LRRC66: variants seen among roughly 807,000 people sequenced by gnomAD.
The protein encoded by LRRC66 is leucine-rich repeat-containing protein 66.
A neutral mutation model predicts 24.6 loss-of-function variants in LRRC66; 29 were observed. That is an observed-to-expected ratio of 1.18 (90% CI 0.88 to 1.61). The LOEUF (loss-of-function observed/expected upper bound fraction) is 1.61, where lower values mean the gene tolerates loss of function less well. Among genes scored for constraint, LRRC66 ranks in the 40% most tolerant of loss-of-function variants. The probability of loss-of-function intolerance (pLI) is 0.00; values close to 1 mark genes in which losing one functional copy is unlikely to be tolerated. For synonymous variants in LRRC66, 411 were observed against 397.6 expected, an observed-to-expected ratio of 1.03 and a Z score of -0.40; for missense variants, 1,124 against 1,058.0, an observed-to-expected ratio of 1.06 and a Z score of -0.87.
intron 1 of LRRC66, among the ~76,000 whole-genome samples, chr4:52,019,105 C>A (rs188387720): frequency 2.0e-5 from 3 of 152,278 alleles, no homozygotes; most frequent in African/African-American, 7.2e-5. Flanking sequence ...GAACTCCTGA[C>A]CTCAGGTGAC....
intron 2 of LRRC66, among the ~76,000 whole-genome samples, chr4:52,005,333 C>T (rs1485345889): frequency 6.6e-6 from 1 of 152,084 alleles, no homozygotes; most frequent in Admixed American, 6.6e-5. Context: ...ACTCATGTCT[C>T]TATCAAAAAC....
In LRRC66 at chr4:51,995,821, CA is replaced by C; in HGVS notation, c.1200del (p.Tyr400Ter). The C allele has an allele frequency of 6.2e-7, 1 of 1,614,160 alleles. No individual in the cohort carries two copies. The highest frequency in any genetic ancestry group is 1.1e-5 in the South Asian group (1 of 91,080). Reference sequence around the variant, plus strand: ...CACTTTTTTTGCCACAGTCTGTCAACATAAGGCCTTGTGAAAGCCCCCAGGC... The same window carrying C: ...CACTTTTTTTGCCACAGTCTGTCAACTAAGGCCTTGTGAAAGCCCCCAGGC... ...AFSLGAFTRP[Y>X]VDRLWQKKCQ... On this transcript the variant is annotated frameshift_variant, in exon 5 of 5. Coordinates refer to ENST00000682860, the MANE Select transcript of LRRC66 (RefSeq NM_001024611.3). LOFTEE classifies it low-confidence loss of function (END_TRUNC).
chr4:52,005,915 TTG>T (rs1414957689), intron 2 of LRRC66, among the ~76,000 whole-genome samples: 1 of 152,238 alleles, frequency 6.6e-6, no homozygotes, highest in African/African-American at 2.4e-5. Context: ...AAATGTTTCT[TTG>T]TGCATAGAAG....
In LRRC66 at chr4:51,996,149, G is replaced by C. The variant is rs771635095; in HGVS notation, c.873C>G (p.Asn291Lys). The C allele has an allele frequency of 6.2e-6, 10 of 1,610,334 alleles. No homozygotes were observed. Among genetic ancestry groups the C allele is most frequent in the Admixed American group, 5.0e-5 (3 of 59,720 alleles). Residue 291 changes from asparagine to lysine, a missense_variant, in exon 5 of 5, where the codon AAC becomes AAG. Coordinates refer to ENST00000682860, the MANE Select transcript of LRRC66 (RefSeq NM_001024611.3). Reference sequence around the variant, plus strand: ...AAATCCTGCTCTGGGGAGTGCCCCCGTTGGCCTCCTCACTCCCTGCAAGTG... The same window carrying C: ...AAATCCTGCTCTGGGGAGTGCCCCCCTTGGCCTCCTCACTCCCTGCAAGTG... Reference protein sequence around the residue: ...CNRSIGSEEANGGTPQSRISR... With the variant: ...CNRSIGSEEAKGGTPQSRISR...
At chr4:52,004,666 T>C (rs200047749) in intron 2 of LRRC66, among the ~76,000 whole-genome samples, 1 of 152,190 alleles carries the variant, frequency 6.6e-6, no homozygotes, top group Non-Finnish European at 1.5e-5. Context: ...CATAACAAGA[T>C]CAGGTTGGTT....
chr4:51,998,186 G>A (rs1736367830), intron 3 of LRRC66, among the ~76,000 whole-genome samples: 1 of 152,182 alleles, frequency 6.6e-6, no homozygotes, highest in Non-Finnish European at 1.5e-5. Context: ...AACTGTATGT[G>A]AAAGCTTTCA....
At chr4:52,007,329 C>A (rs1317269689) in intron 2 of LRRC66, among the ~76,000 whole-genome samples, 1 of 151,892 alleles carries the variant, frequency 6.6e-6, no homozygotes, top group Non-Finnish European at 1.5e-5. Context: ...CAGGTGTGTG[C>A]CACTATGTCT....
At chr4:52,015,805 T>C (rs978094563) in intron 2 of LRRC66, among the ~76,000 whole-genome samples, 6 of 152,188 alleles carry the variant, frequency 3.9e-5, no homozygotes, top group South Asian at 2.1e-4. Flanking sequence ...AACCAACTAT[T>C]TGAAATATTT....
chr4:52,008,771 C>G (rs1736639536), intron 2 of LRRC66, among the ~76,000 whole-genome samples: 1 of 151,946 alleles, frequency 6.6e-6, no homozygotes, highest in African/African-American at 2.4e-5. Context: ...AAAAAATGTT[C>G]AAGGAAGTCC....
Position 51,997,736 on chromosome 4 carries a change from T to C in LRRC66, c.856+12A>G, listed in dbSNP as rs992346337. 7.5e-6 allele frequency: 12 copies of C among 1,609,464 alleles called. No individual in the cohort carries two copies. Among genetic ancestry groups the C allele is most frequent in the Non-Finnish European group, 9.4e-6 (11 of 1,176,344 alleles). On this transcript the variant is annotated intron_variant, in intron 4 of 4. Transcript: ENST00000682860. Reference sequence around the variant, plus strand: ...TAAATGGAGCCTTTTCAGAGAGACATTACTGACTTACCTATAGACCTGTTG... The same window carrying C: ...TAAATGGAGCCTTTTCAGAGAGACACTACTGACTTACCTATAGACCTGTTG...
chr4:52,012,535 G>C (rs189077236), intron 2 of LRRC66, among the ~76,000 whole-genome samples: 3 of 152,250 alleles, frequency 2.0e-5, no homozygotes, highest in Admixed American at 2.0e-4. Flanking sequence ...CATGGTACTT[G>C]ACTGCACTTC....
chr4:52,003,933 C>CCT (rs1736514807), intron 2 of LRRC66, among the ~76,000 whole-genome samples: 1 of 152,008 alleles, frequency 6.6e-6, no homozygotes, highest in Non-Finnish European at 1.5e-5. Context: ...TCTTGCTAAA[C>CCT]AATAGAGGAA....
intron 2 of LRRC66, among the ~76,000 whole-genome samples, chr4:52,011,818 C>A (rs917196614): frequency 6.6e-6 from 1 of 152,132 alleles, no homozygotes; most frequent in Non-Finnish European, 1.5e-5. Flanking sequence ...GACCAGGAAG[C>A]TTTTTTAGGT....
At chr4:52,010,169 A>G (rs1025961426) in intron 2 of LRRC66, among the ~76,000 whole-genome samples, 1 of 152,190 alleles carries the variant, frequency 6.6e-6, no homozygotes, top group Non-Finnish European at 1.5e-5. Flanking sequence ...GCATTTATGA[A>G]AGATCTAGCA....
intron 1 of LRRC66, chr4:52,018,704 A>C (rs1736875944): frequency 1.6e-6 from 1 of 623,848 alleles, no homozygotes; most frequent in Non-Finnish European, 2.0e-6. Context: ...TATAGTCCAA[A>C]TCCCTCAGGT....
chr4:52,003,512 C>G (rs552196735), intron 2 of LRRC66, 120 bp from the exon 3 acceptor site: 38 of 747,328 alleles, frequency 5.1e-5, no homozygotes, highest in Non-Finnish European at 2.0e-5. Context: ...TGTTAAACAA[C>G]GTATGGTATA....
At chr4:51,998,527 C>T (rs535009000) in intron 3 of LRRC66, among the ~76,000 whole-genome samples, 1 of 152,332 alleles carries the variant, frequency 6.6e-6, no homozygotes, top group East Asian at 1.9e-4. Context: ...GCTGGAATTA[C>T]AGGCACGCAC....
At chr4:52,001,904 A>T (rs745935806) in intron 3 of LRRC66, among the ~76,000 whole-genome samples, 6 of 152,242 alleles carry the variant, frequency 3.9e-5, no homozygotes, top group Non-Finnish European at 8.8e-5. Context: ...TATGATAGCC[A>T]CACCAATAGA....
At chr4:52,001,271 A>C (rs7695726) in intron 3 of LRRC66, among the ~76,000 whole-genome samples, 66,458 of 152,062 alleles carry the variant, frequency 0.44, 18,074 homozygotes, top group African/African-American at 0.77. Context: ...CCAGGGAAGG[A>C]ATCCTTGAGG....
Sources: gnomAD v4.1 joint callset for allele counts (sites outside exome capture counted in the v4.1 genomes callset) on GRCh38, gnomAD v4.1.1 for gene constraint, MANE v1.5 for transcripts, NCBI Gene and HGNC (gene_info 2026-07-23, HGNC 2026-07-21) for gene names.